The following IL23R variants were observed in gnomAD, a reference collection of about 807,000 sequenced individuals.
IL23R encodes interleukin 23 receptor.
IL23R carries 34 observed loss-of-function variants against 56.9 expected under a neutral mutation model. The observed-to-expected ratio is 0.60, with a 90% CI of 0.45 to 0.80. The LOEUF is 0.80. IL23R is among the 30% of genes least tolerant of loss of function. The pLI, the probability that IL23R is intolerant of heterozygous loss-of-function variation, is 0.00. For missense variants in IL23R, 635 were observed against 730.0 expected, an observed-to-expected ratio of 0.87 and a Z score of 1.50; for synonymous variants, 230 against 249.2, an observed-to-expected ratio of 0.92 and a Z score of 0.73.
At chr1:67,212,562 T>C (rs1450843714) in intron 6 of IL23R, among the ~76,000 whole-genome samples, 2 of 152,188 alleles carry the variant, frequency 1.3e-5, no homozygotes, top group South Asian at 4.2e-4. Context: ...TTTTTTCCTT[T>C]TGAGACAGGG....
rs1364419969 is a variant in IL23R, at chr1:67,259,975, A to G, written c.*847A>G. ...GCAAAACTCTGTCTGGAAAAAAAAAAAAAAAAAAAAAAAAAGAATAACTAA... is the reference window on the plus strand; with the variant it reads ...GCAAAACTCTGTCTGGAAAAAAAAAGAAAAAAAAAAAAAAAGAATAACTAA... On this transcript the variant is annotated 3_prime_UTR_variant, in exon 11 of 11. Coordinates refer to ENST00000347310, the MANE Select transcript of IL23R (RefSeq NM_144701.3). 4.8e-5 allele frequency: 6 copies of G among 124,682 alleles called. No individual in the cohort carries two copies. Among genetic ancestry groups the G allele is most frequent in the African/African-American group, 1.7e-4 (6 of 34,876 alleles). 7.7% of individuals were successfully genotyped at this position (124,682 alleles called of 1,614,324 possible).
At chr1:67,187,589 T>C (rs1449953593) in intron 4 of IL23R, among the ~76,000 whole-genome samples, 1 of 152,224 alleles carries the variant, frequency 6.6e-6, no homozygotes, top group Non-Finnish European at 1.5e-5. Flanking sequence ...TTTGTAGTAG[T>C]TATGAGTACT....
At chr1:67,265,365 A>G in the IL23R span, among the ~76,000 whole-genome samples, 1 of 152,208 alleles carries the variant, frequency 6.6e-6, no homozygotes, top group African/African-American at 2.4e-5. Flanking sequence ...CCCATCATCA[A>G]AGGTAATGAC....
intron 3 of IL23R, among the ~76,000 whole-genome samples, chr1:67,173,821 C>A (rs571243173): frequency 1.2e-3 from 177 of 152,212 alleles, no homozygotes; most frequent in African/African-American, 4.1e-3. Flanking sequence ...TAACCATAAT[C>A]CCTCTTTAAT....
chr1:67,172,942 A>G (rs983571670), intron 3 of IL23R, among the ~76,000 whole-genome samples: 3 of 152,214 alleles, frequency 2.0e-5, no homozygotes, highest in Non-Finnish European at 4.4e-5. Flanking sequence ...AATGTGTTAA[A>G]TGCTAGAAGT....
chr1:67,239,180 G>A (rs12751814), intron 8 of IL23R, among the ~76,000 whole-genome samples: 95,815 of 152,092 alleles, frequency 0.63, 30,778 homozygotes, highest in East Asian at 0.93. Flanking sequence ...TGGGTAATAT[G>A]TGTTGAATAA....
chr1:67,192,777 G>T (rs1647846038), intron 4 of IL23R, among the ~76,000 whole-genome samples: 1 of 152,018 alleles, frequency 6.6e-6, no homozygotes, highest in South Asian at 2.1e-4. Flanking sequence ...CTTTTAAAAT[G>T]ACCTCACCAC....
intron 9 of IL23R, among the ~76,000 whole-genome samples, chr1:67,253,814 T>A (rs971668999): frequency 2.6e-5 from 4 of 152,162 alleles, no homozygotes; most frequent in Non-Finnish European, 5.9e-5. Context: ...AAAGTTTAAG[T>A]AACACTAAGT....
intron 3 of IL23R, among the ~76,000 whole-genome samples, chr1:67,170,677 A>G (rs1455353503): frequency 6.6e-6 from 1 of 152,132 alleles, no homozygotes; most frequent in Non-Finnish European, 1.5e-5. Context: ...CATTTTCAGT[A>G]AAAAAATAAA....
intron 9 of IL23R, among the ~76,000 whole-genome samples, chr1:67,247,326 T>C (rs551915241): frequency 8.8e-4 from 133 of 151,038 alleles, no homozygotes; most frequent in African/African-American, 3.1e-3. Flanking sequence ...TTTTTTGAGA[T>C]GGAGTTTCAC....
rs546697321 is a variant in IL23R, at chr1:67,183,521, C to G, written c.491+562C>G. ...CTGCACTCTAGCCTGGGCGACAGAA[C>G]AAGACTCCATCTCAAAAAATAAAAT... On this transcript the variant is annotated intron_variant, in intron 4 of 10. Transcript: ENST00000347310. 4.9e-4 allele frequency among the ~76,000 whole-genome samples: 75 copies of G among 152,234 alleles called. No individual in the cohort carries two copies. The Middle Eastern group carries it at 0.01, about 21-fold the overall frequency.
intron 1 of IL23R, among the ~76,000 whole-genome samples, chr1:67,166,831 G>A (rs1433747811): frequency 6.6e-6 from 1 of 152,050 alleles, no homozygotes; most frequent in Non-Finnish European, 1.5e-5. Flanking sequence ...ATATTTCTGA[G>A]CCAAGGGGAC....
intron 3 of IL23R, among the ~76,000 whole-genome samples, chr1:67,169,894 T>C (rs1646921140): frequency 6.6e-6 from 1 of 152,166 alleles, no homozygotes; most frequent in Non-Finnish European, 1.5e-5. Context: ...GACAGAAACA[T>C]AAAATTTTAA....
downstream of IL23R, among the ~76,000 whole-genome samples, chr1:67,264,757 C>A (rs1330475312): frequency 6.6e-6 from 1 of 152,196 alleles, no homozygotes; most frequent in East Asian, 1.9e-4. Context: ...CCACACTGCA[C>A]CTTTTAGATC....
At chr1:67,156,104 T>C (rs1054216083) in intron 1 of IL23R, among the ~76,000 whole-genome samples, 11 of 152,168 alleles carry the variant, frequency 7.2e-5, no homozygotes, top group Non-Finnish European at 1.3e-4. Flanking sequence ...TCTATTCTCC[T>C]GGGTATCACC....
In IL23R at chr1:67,259,031, T is replaced by G; in HGVS notation, c.1793T>G (p.Leu598Trp). Residue 598 changes from leucine (L) to tryptophan (W), a missense_variant, in exon 11 of 11, where the codon TTG becomes TGG. Coordinates refer to ENST00000347310, the MANE Select transcript of IL23R (RefSeq NM_144701.3). ...TLLPDEFVSC[L>W]GIVNEELPSI... ...CTTCCTGATGAATTTGTCTCCTGTT[T>G]GGGGATCGTGAATGAGGAGTTGCCA... is the stretch of plus-strand genomic sequence containing the variant. 6.2e-7 allele frequency: 1 copy of G among 1,614,028 alleles called. No individual in the cohort carries two copies. Among genetic ancestry groups the G allele is most frequent in the East Asian group, 2.2e-5 (1 of 44,874 alleles).
chr1:67,257,236 C>G (rs41494046), intron 10 of IL23R, among the ~76,000 whole-genome samples: 17,794 of 152,110 alleles, frequency 0.12, 1,593 homozygotes, highest in African/African-American at 0.25. Context: ...GCTTAGTCGG[C>G]TTGGGTGGCT....
chr1:67,200,852 G>A lies in IL23R; in HGVS notation c.607G>A (p.Gly203Ser), dbSNP rs961645682. Residue 203 changes from glycine to serine, a missense_variant, in exon 5 of 11, where the codon GGC (glycine) becomes AGC (serine). Coordinates refer to ENST00000347310, the MANE Select transcript of IL23R (RefSeq NM_144701.3). Reference protein sequence around the residue: ...LVWVQAANALGMEESKQLQIH... With the variant: ...LVWVQAANALSMEESKQLQIH... ...TTGGGTCCAAGCAGCAAACGCACTA[G>A]GCATGGAAGAGTCAAAACAACTGCA... 6.2e-7 allele frequency: 1 copy of A among 1,613,940 alleles called. No homozygotes were observed. The highest frequency in any genetic ancestry group is 8.5e-7 in the Non-Finnish European group (1 of 1,180,026).
At position 67,194,212 on chromosome 1, in the gene IL23R, G is replaced by A. The variant is rs1027262027; in HGVS notation, c.492-6525G>A. On this transcript the variant is annotated intron_variant, in intron 4 of 10. Transcript: ENST00000347310. ...TATGGAGGCTTCATTACATAAGCAC[G>A]GTTCATCATATCATTGGCCATTGGG... Among the ~76,000 whole-genome samples the A allele has an allele frequency of 5.9e-5, 9 of 151,894 alleles. No homozygotes were observed. The South Asian group carries it at 8.3e-4, about 14-fold the overall frequency.
Sources: allele counts gnomAD v4.1 joint callset (sites outside exome capture counted in the v4.1 genomes callset), GRCh38; gene constraint gnomAD v4.1.1; transcripts MANE v1.5; gene names NCBI Gene and HGNC (gene_info 2026-07-23, HGNC 2026-07-21).